Variants in CTNNA2 observed in about 807,000 individuals in gnomAD.
The protein encoded by CTNNA2 is catenin alpha-2.
In CTNNA2, 42 loss-of-function variants were observed where a neutral mutation model predicts 101.0. The ratio of observed to expected loss-of-function variants is 0.42; its 90% CI spans 0.32 to 0.54. The LOEUF (loss-of-function observed/expected upper bound fraction) is 0.54. CTNNA2 is among the 20% of genes least tolerant of loss of function. The pLI, the probability that CTNNA2 is intolerant of heterozygous loss-of-function variation, is 0.14. For missense variants in CTNNA2, 871 were observed against 1,223.1 expected (o/e 0.71, Z 4.29); for synonymous variants, 450 against 456.4 (o/e 0.99, Z 0.18).
intron 7 of CTNNA2, among the ~76,000 whole-genome samples, chr2:80,273,689 C>G (rs571051426): frequency 6.6e-6 from 1 of 152,198 alleles, no homozygotes; most frequent in Non-Finnish European, 1.5e-5. Context: ...CAGACACACT[C>G]CTGCCTCAGG....
At chr2:79,719,939 T>C (rs1686369636) in intron 2 of CTNNA2, among the ~76,000 whole-genome samples, 1 of 152,210 alleles carries the variant, frequency 6.6e-6, no homozygotes, top group South Asian at 2.1e-4. Context: ...GCAATCACTT[T>C]TGGGGACTTA....
rs1671745116 is a variant in CTNNA2 at position 79,747,827 on chromosome 2, C to T, written c.298+3245C>T. ...ATATTATCGATTTCTTCTTACAAAACAATTCTATATCAGAAATGTTGTCTA... is the reference window on the plus strand; with the variant it reads ...ATATTATCGATTTCTTCTTACAAAATAATTCTATATCAGAAATGTTGTCTA... On this transcript the variant is annotated intron_variant, in intron 3 of 18. Coordinates refer to ENST00000402739, the MANE Select transcript of CTNNA2 (RefSeq NM_001282597.3). Among the ~76,000 whole-genome samples, 9 of 152,260 alleles carry T rather than the reference C, an allele frequency of 5.9e-5. No individual in the cohort carries two copies. The South Asian group carries it at 1.9e-3, about 32-fold the overall frequency.
chr2:80,197,123 C>G (rs911579326), intron 7 of CTNNA2, among the ~76,000 whole-genome samples: 1 of 152,150 alleles, frequency 6.6e-6, no homozygotes, highest in Non-Finnish European at 1.5e-5. Context: ...GTTATTTTCC[C>G]AATGAGATCT....
chr2:79,931,659 G>T (rs1399424037), intron 7 of CTNNA2, among the ~76,000 whole-genome samples: 1 of 152,158 alleles, frequency 6.6e-6, no homozygotes, highest in African/African-American at 2.4e-5. Context: ...GTTCTCAATG[G>T]ACTGGAAGTT....
intron 2 of CTNNA2, among the ~76,000 whole-genome samples, chr2:79,224,904 T>C (rs1674388941): frequency 6.6e-6 from 1 of 151,898 alleles, no homozygotes. Flanking sequence ...CATATATTTT[T>C]AATCACATAA....
chr2:80,249,532 A>T (rs944969084), intron 7 of CTNNA2, among the ~76,000 whole-genome samples: 1 of 152,226 alleles, frequency 6.6e-6, no homozygotes, highest in Non-Finnish European at 1.5e-5. Flanking sequence ...GCTGGAAGAT[A>T]GTTTTAACTT....
At chr2:79,757,477 C>G (rs1281513315) in intron 3 of CTNNA2, among the ~76,000 whole-genome samples, 1 of 152,046 alleles carries the variant, frequency 6.6e-6, no homozygotes, top group Non-Finnish European at 1.5e-5. Context: ...TCTAAACTTA[C>G]CAGTCTAAGT....
chr2:80,380,161 T>C (rs542411152), intron 7 of CTNNA2, among the ~76,000 whole-genome samples: 49 of 150,588 alleles, frequency 3.3e-4, no homozygotes, highest in African/African-American at 8.3e-4. Flanking sequence ...CTCAGCCTCC[T>C]GAGTAGCTGG....
At chr2:80,076,872 C>T (rs377155885) in intron 7 of CTNNA2, among the ~76,000 whole-genome samples, 9 of 151,818 alleles carry the variant, frequency 5.9e-5, no homozygotes, top group East Asian at 3.9e-4. Flanking sequence ...AGTGAAACCC[C>T]GTCTCTACTA....
In CTNNA2 at chr2:80,603,833, G is replaced by T; in HGVS notation, c.2190-241G>T. On this transcript the variant is annotated intron_variant, in intron 15 of 18. Coordinates refer to ENST00000402739, the MANE Select transcript of CTNNA2 (RefSeq NM_001282597.3). Reference sequence around the variant, plus strand: ...ATCTTTTATAACTGGCCATTGTTTAGAAATATAGAACTTAATGTAAAAGAT... The same window carrying T: ...ATCTTTTATAACTGGCCATTGTTTATAAATATAGAACTTAATGTAAAAGAT... 6.5e-6 allele frequency: 3 copies of T among 458,778 alleles called. No individual in the cohort carries two copies. The East Asian group carries it at 1.1e-4, about 17-fold the overall frequency. 28.4% of individuals were successfully genotyped at this position (458,778 alleles called of 1,614,324 possible). A position where few individuals can be genotyped will look rare whatever the true frequency, so the allele number is the denominator to read the frequency against.
chr2:80,098,657 G>A (rs1342224433), intron 7 of CTNNA2, among the ~76,000 whole-genome samples: 1 of 152,238 alleles, frequency 6.6e-6, no homozygotes, highest in Non-Finnish European at 1.5e-5. Flanking sequence ...GGTCCACCCA[G>A]TTCGAGCTTC....
intron 3 of CTNNA2, among the ~76,000 whole-genome samples, chr2:79,788,052 T>C (rs140625914): frequency 1.3e-5 from 2 of 152,274 alleles, no homozygotes; most frequent in African/African-American, 4.8e-5. Flanking sequence ...CTAGAGGGTA[T>C]GTCCGACATG....
At chr2:80,638,421 C>T (rs1218630083) in intron 18 of CTNNA2, among the ~76,000 whole-genome samples, 9 of 152,058 alleles carry the variant, frequency 5.9e-5, no homozygotes, top group Non-Finnish European at 1.2e-4. Flanking sequence ...GAGGAGGTCT[C>T]TGGCAGGAGA....
rs1558832983 is a variant in CTNNA2 at position 80,126,613 on chromosome 2, TCCC to T, written c.1056+216817_1056+216819del. Among the ~76,000 whole-genome samples, 152 of 31,258 alleles carry T rather than the reference TCCC, an allele frequency of 4.9e-3. 1 individual carries two copies. The highest frequency in any genetic ancestry group is 0.015 in the African/African-American group (111 of 7,320). 20.5% of individuals were successfully genotyped at this position (31,258 alleles called of 152,430 possible). On this transcript the variant is annotated intron_variant, in intron 7 of 18. Coordinates refer to ENST00000402739, the MANE Select transcript of CTNNA2 (RefSeq NM_001282597.3). ...CTCCCTCCCTCCCTCCCTCCCTCCC[TCCC>T]TCCCTCCCTCCCTCCCTCCCTTCCT... is the stretch of plus-strand genomic sequence containing the variant.
At chr2:79,809,561 A>G (rs1328956973) in intron 3 of CTNNA2, among the ~76,000 whole-genome samples, 1 of 151,902 alleles carries the variant, frequency 6.6e-6, no homozygotes, top group African/African-American at 2.4e-5. Flanking sequence ...TTTTTTTCAT[A>G]TGTTTCTTAG....
intron 4 of CTNNA2, among the ~76,000 whole-genome samples, chr2:79,424,855 A>G (rs1444883423): frequency 4.6e-5 from 7 of 152,150 alleles, no homozygotes; most frequent in Non-Finnish European, 8.8e-5. Context: ...TGGTAAGCAT[A>G]TTTTTATTTA....
At chr2:79,673,111 A>G (rs182783713) in intron 2 of CTNNA2, among the ~76,000 whole-genome samples, 4 of 152,290 alleles carry the variant, frequency 2.6e-5, no homozygotes, top group Admixed American at 2.6e-4. Flanking sequence ...TTCAGTTTGA[A>G]TGTTATTATA....
At chr2:80,632,707 G>A (rs1240242082) in intron 18 of CTNNA2, among the ~76,000 whole-genome samples, 1 of 152,110 alleles carries the variant, frequency 6.6e-6, no homozygotes, top group Non-Finnish European at 1.5e-5. Context: ...CTCCTGTGGA[G>A]CCAAGACCCT....
At chr2:79,283,101 G>T (rs1192723850) in intron 2 of CTNNA2, among the ~76,000 whole-genome samples, 1 of 79,768 alleles carries the variant, frequency 1.3e-5, no homozygotes, top group African/African-American at 3.4e-5. Context: ...TTTTTGATGG[G>T]GTTGTTTGTT....
Sources: gnomAD v4.1 joint callset for allele counts (sites outside exome capture counted in the v4.1 genomes callset) on GRCh38, gnomAD v4.1.1 for gene constraint, MANE v1.5 for transcripts, NCBI Gene and HGNC (gene_info 2026-07-23, HGNC 2026-07-21) for gene names.